Variants in LTN1 observed in about 807,000 individuals in gnomAD.
LTN1 encodes the protein listerin E3 ubiquitin protein ligase 1, also known as E3 ubiquitin-protein ligase listerin.
Under a neutral mutation model 201.2 loss-of-function variants are expected in LTN1, and 88 were observed. The ratio of observed to expected loss-of-function variants is 0.44; its 90% CI spans 0.37 to 0.52. The LOEUF is 0.52. LTN1 is among the 20% of genes least tolerant of loss of function. LTN1 has a pLI of 0.00. For synonymous variants in LTN1, 645 were observed against 713.5 expected (o/e 0.90, Z 1.53); for missense variants, 1,752 against 2,038.7 (o/e 0.86, Z 2.71).
At chr21:28,992,649 A>C in intron 1 of LTN1, 115 bp downstream of exon 1, 2 of 1,135,770 alleles carry the variant, frequency 1.8e-6, no homozygotes. Context: ...CACACTCGAC[A>C]GGGAAACACA....
rs377030415 is a variant in LTN1 at position 28,930,541 on chromosome 21, G to T, written c.5239-31C>A. 4.3e-5 allele frequency: 64 copies of T among 1,483,254 alleles called. No homozygotes were observed. The African/African-American group carries it at 7.0e-4, about 16-fold the overall frequency. The allele number at this position is 1,483,254 out of a possible 1,614,324, so 91.9% of individuals were successfully genotyped here. On this transcript the variant is annotated intron_variant, in intron 29 of 29. Transcript: ENST00000361371. ...AAAGAAAAGGTTTTAAATACTAAAA[G>T]AACTTTTAAAGTTCTCCTCTAACAT...
At chr21:28,962,742 G>GAA (rs1452384764) in intron 11 of LTN1, among the ~76,000 whole-genome samples, 1 of 152,228 alleles carries the variant, frequency 6.6e-6, no homozygotes, top group Non-Finnish European at 1.5e-5. Flanking sequence ...AAGGCATGTT[G>GAA]AAAGCCAAGA....
chr21:28,971,203 G>C, intron 7 of LTN1, 68 bp downstream of exon 7: 1 of 1,261,806 alleles, frequency 7.9e-7, no homozygotes, highest in East Asian at 2.5e-5. Flanking sequence ...CATTTTCCCA[G>C]TAAGTTTTGG....
At position 28,931,069 on chromosome 21, in the gene LTN1, GT is replaced by G. The variant is rs1568828930; in HGVS notation, c.5238+85del. 3.4e-3 allele frequency: 1,096 copies of G among 319,122 alleles called. 2 individuals are homozygous for G. The highest frequency in any genetic ancestry group is 4.4e-3 in the Non-Finnish European group (909 of 208,370). 19.8% of individuals were successfully genotyped at this position (319,122 alleles called of 1,614,324 possible). On this transcript the variant is annotated intron_variant, in intron 29 of 29. Coordinates refer to ENST00000361371, the MANE Select transcript of LTN1 (RefSeq NM_015565.3). ...TTCCGAAGTTAGACATTGTGTAGGT[GT>G]GTGTGTGTGTGTGTGTGTGTGTGTG... is the stretch of plus-strand genomic sequence containing the variant.
At position 28,931,287 on chromosome 21, in the gene LTN1, T is replaced by C. The variant is rs2084209218; in HGVS notation, c.5106A>G (p.Lys1702=). 5 of 1,612,642 alleles carry C rather than the reference T, an allele frequency of 3.1e-6. No homozygotes were observed. The highest frequency in any genetic ancestry group is 4.2e-6 in the Non-Finnish European group (5 of 1,179,196). The change falls in exon 29 of 30, where the codon AAA becomes AAG. Residue 1702 remains lysine, a synonymous_variant. Coordinates refer to ENST00000361371, the MANE Select transcript of LTN1 (RefSeq NM_015565.3). ...GSIMEGLALW[K]NNVDKRFEGV... is the part of the protein sequence containing the mutation. Reference sequence around the variant, plus strand: ...CCTCAAAACGTTTGTCTACGTTATTTTTCCATAAAGCTAAGCCTTCCATAA... The same window carrying C: ...CCTCAAAACGTTTGTCTACGTTATTCTTCCATAAAGCTAAGCCTTCCATAA...
chr21:28,961,803 T>A (rs1336497502), intron 11 of LTN1, among the ~76,000 whole-genome samples: 1 of 152,130 alleles, frequency 6.6e-6, no homozygotes, highest in Non-Finnish European at 1.5e-5. Flanking sequence ...AAAGATGACT[T>A]TAAGACCAGC....
At chr21:28,976,932 C>T (rs988737455) in intron 6 of LTN1, among the ~76,000 whole-genome samples, 1 of 152,038 alleles carries the variant, frequency 6.6e-6, no homozygotes, top group South Asian at 2.1e-4. Flanking sequence ...AATTTTTTTA[C>T]ATTTTTTAGA....
intron 1 of LTN1, among the ~76,000 whole-genome samples, chr21:28,990,565 G>A (rs561346947): frequency 2.6e-5 from 4 of 152,262 alleles, no homozygotes; most frequent in African/African-American, 9.6e-5. Context: ...CATATTATTT[G>A]TTATTGGCCA....
intron 14 of LTN1, among the ~76,000 whole-genome samples, 187 bp from the exon 15 acceptor site, chr21:28,957,663 A>G (rs1409468518): frequency 6.6e-6 from 1 of 152,168 alleles, no homozygotes; most frequent in African/African-American, 2.4e-5. Context: ...AGGTAATCCA[A>G]TATTTATCAT....
At chr21:28,957,859 C>T (rs2084439377) in intron 14 of LTN1, among the ~76,000 whole-genome samples, 1 of 152,142 alleles carries the variant, frequency 6.6e-6, no homozygotes, top group South Asian at 2.1e-4. Context: ...GTAAAATATA[C>T]TTGCAATTCA....
Position 28,957,550 on chromosome 21 carries a change from TACC to T in LTN1, c.2748-77_2748-75del, listed in dbSNP as rs2084436689. The T allele has an allele frequency of 6.4e-6, 6 of 935,536 alleles. No individual in the cohort carries two copies. In the South Asian group the frequency reaches 2.1e-4, roughly 33 times the overall value. 58.0% of individuals were successfully genotyped at this position (935,536 alleles called of 1,614,324 possible). A position where few individuals can be genotyped will look rare whatever the true frequency, so the allele number is the denominator to read the frequency against. ...TTTGAATACCCCAATACATATTAAA[TACC>T]CTATAATAGCTCACCTGAACAAAAA... On this transcript the variant is annotated intron_variant, in intron 14 of 29. Coordinates refer to ENST00000361371, the MANE Select transcript of LTN1 (RefSeq NM_015565.3).
At chr21:28,967,211 A>T (rs377434933) in intron 9 of LTN1, 32 bp from the exon 10 acceptor site, 1 of 1,497,492 alleles carries the variant, frequency 6.7e-7, no homozygotes, top group African/African-American at 1.4e-5. Context: ...CATAAAATAT[A>T]TATTTGGTCT....
Position 28,986,954 on chromosome 21 carries a change from G to GA in LTN1, c.43-21dup. On this transcript the variant is annotated intron_variant, in intron 1 of 29. Transcript: ENST00000361371. The surrounding 1 kb of genome is among the most constrained non-coding windows in gnomAD (Gnocchi z 4.1). ...TGAAGGCTGATAAGAAAATTACGGAGAAAAAAGTCAGAGTCCAGGAAGGGT... is the reference window on the plus strand; with the variant it reads ...TGAAGGCTGATAAGAAAATTACGGAGAAAAAAAGTCAGAGTCCAGGAAGGGT... The GA allele has an allele frequency of 6.3e-7, 1 of 1,587,970 alleles. No homozygotes were observed. Among genetic ancestry groups the GA allele is most frequent in the Non-Finnish European group, 8.6e-7 (1 of 1,157,212 alleles).
Position 28,969,611 on chromosome 21 carries a change from A to T in LTN1, c.1176-10T>A, listed in dbSNP as rs780297956. On this transcript the variant is annotated splice_polypyrimidine_tract_variant and intron_variant, in intron 8 of 29. Transcript: ENST00000361371. Reference sequence around the variant, plus strand: ...TCTCTCTGTTGACAGCCTAAGAAATAATTAATAACTGGATTACTCTTTCAT... The same window carrying T: ...TCTCTCTGTTGACAGCCTAAGAAATTATTAATAACTGGATTACTCTTTCAT... The T allele has an allele frequency of 7.6e-6, 12 of 1,574,916 alleles. No individual in the cohort carries two copies. The East Asian group carries it at 2.7e-4, about 36-fold the overall frequency.
intron 22 of LTN1, among the ~76,000 whole-genome samples, 171 bp downstream of exon 22, chr21:28,944,212 G>T (rs1460805051): frequency 2.0e-5 from 3 of 152,132 alleles, no homozygotes; most frequent in African/African-American, 7.2e-5. Flanking sequence ...TTCAATTTCT[G>T]TCTGTAAAGT....
At chr21:28,992,376 A>G (rs1417552264) in intron 1 of LTN1, among the ~76,000 whole-genome samples, 2 of 152,146 alleles carry the variant, frequency 1.3e-5, no homozygotes, top group African/African-American at 4.8e-5. Flanking sequence ...GAGAGGCACA[A>G]TCTGCGGTAA....
rs765150427 is a variant in LTN1, at chr21:28,966,680, T to A, written c.1811A>T (p.Tyr604Phe). The A allele has an allele frequency of 2.5e-6, 4 of 1,614,038 alleles. No homozygotes were observed. Among genetic ancestry groups the A allele is most frequent in the Non-Finnish European group, 2.5e-6 (3 of 1,179,986 alleles). ...VCKLADISIN[Y>F]VNERKSEQHL... ...TTGCTCTGACTTTCGTTCATTGACATAATTAATACTTATATCTGCGAGTTT... is the reference window on the plus strand; with the variant it reads ...TTGCTCTGACTTTCGTTCATTGACAAAATTAATACTTATATCTGCGAGTTT... Residue 604 changes from tyrosine (Y) to phenylalanine (F), a missense_variant, in exon 10 of 30, where the codon TAT becomes TTT. By Grantham distance (22) the Tyr-to-Phe change is conservative. This residue lies in a region of LTN1 where 1,211 missense variants were observed against 1,312.8 expected (regional missense o/e 0.92). Transcript: ENST00000361371.
Position 28,984,915 on chromosome 21 carries a change from T to C in LTN1, c.353A>G (p.Asp118Gly). 11 of 1,608,706 alleles carry C rather than the reference T, an allele frequency of 6.8e-6. No individual in the cohort carries two copies. The highest frequency in any genetic ancestry group is 9.3e-6 in the Non-Finnish European group (11 of 1,177,168). Residue 118 changes from aspartate to glycine, a missense_variant, in exon 4 of 30, where the codon GAC becomes GGC. Physicochemically the swap from Asp to Gly is moderately conservative, Grantham distance 94 (BLOSUM62 -1). Around this residue, in one of 3 missense-constraint regions of LTN1, gnomAD observed 280 missense variants for 375.7 expected, o/e 0.75. Transcript: ENST00000361371. ...RIFCKISLDH[D>G]RRVREATQQA... is the part of the protein sequence containing the mutation. ...TTGTGTGGCTTCTCGGACGCGACGG[T>C]CATGATCCTATTAAAAATATAAATG...
chr21:28,935,613 G>A (rs1356587009), intron 26 of LTN1, among the ~76,000 whole-genome samples: 1 of 152,042 alleles, frequency 6.6e-6, no homozygotes, highest in Non-Finnish European at 1.5e-5. Flanking sequence ...GGCCGAGGTG[G>A]GTGGATCACG....
Sources: gnomAD v4.1 joint callset for allele counts (sites outside exome capture counted in the v4.1 genomes callset) on GRCh38, gnomAD v4.1.1 for gene constraint, gnomAD v4.1.1 regional missense constraint, Gnocchi (gnomAD v3.1) non-coding constraint, MANE v1.5 for transcripts, NCBI Gene and HGNC (gene_info 2026-07-23, HGNC 2026-07-21) for gene names.